The following TENM1 variants were observed in gnomAD, a reference collection of about 807,000 sequenced individuals.
TENM1 encodes teneurin-1.
TENM1 carries 35 observed loss-of-function variants against 174.8 expected under a neutral mutation model. The observed-to-expected ratio is 0.20, with a 90% CI of 0.15 to 0.27. The LOEUF (loss-of-function observed/expected upper bound fraction) is 0.27, where lower values mean the gene tolerates loss of function less well. Ranked by LOEUF, TENM1 falls within the 10% of genes least tolerant of loss-of-function variation. TENM1 has a pLI of 1.00. For missense variants in TENM1, 1,633 were observed against 2,130.1 expected, an observed-to-expected ratio of 0.77 and a Z score of 4.59; for synonymous variants, 781 against 798.7, an observed-to-expected ratio of 0.98 and a Z score of 0.37.
At chrX:124,630,161 C>T (rs934722609) in intron 11 of TENM1, among the ~76,000 whole-genome samples, 1 of 112,305 alleles carries the variant, frequency 8.9e-6, no homozygotes, top group African/African-American at 3.2e-5. Context: ...ATTTAGAGTG[C>T]CTTAACTTTC....
exon 30 of TENM1, chrX:124,384,735 G>T: frequency 8.3e-7 from 1 of 1,211,380 alleles, no homozygotes; most frequent in Non-Finnish European, 1.1e-6. Context: ...ATAGGCAAAG[G>T]GGTTTCATTG....
At chrX:124,625,932 G>A (rs1413083796) in intron 11 of TENM1, among the ~76,000 whole-genome samples, 1 of 111,062 alleles carries the variant, frequency 9.0e-6, no homozygotes, top group Non-Finnish European at 1.9e-5. Context: ...ATATCAGTGA[G>A]GGAATACCTA....
At chrX:124,875,940 T>G (rs2057191340) in intron 3 of TENM1, among the ~76,000 whole-genome samples, 1 of 108,235 alleles carries the variant, frequency 9.2e-6, no homozygotes, top group South Asian at 3.9e-4. Flanking sequence ...TTTTGTGATT[T>G]TACATGATCT....
chrX:125,020,242 T>C, the TENM1 span, among the ~76,000 whole-genome samples: 1 of 111,484 alleles, frequency 9.0e-6, no homozygotes, highest in Admixed American at 9.6e-5. Context: ...TCCACAAGAA[T>C]GTGAGCTCCA....
chrX:124,578,860 A>G (rs1395007988), intron 11 of TENM1, among the ~76,000 whole-genome samples: 1 of 111,998 alleles, frequency 8.9e-6, no homozygotes, highest in Non-Finnish European at 1.9e-5. Context: ...TATTTTCCCA[A>G]AAGTTCAGCT....
intron 3 of TENM1, among the ~76,000 whole-genome samples, chrX:124,744,433 C>A (rs759988811): frequency 1.8e-5 from 2 of 111,518 alleles, no homozygotes; most frequent in African/African-American, 3.3e-5. Flanking sequence ...CGTTAGTATA[C>A]GGTATTAGTT....
At chrX:125,148,856 G>C in the TENM1 span, among the ~76,000 whole-genome samples, 3 of 111,293 alleles carry the variant, frequency 2.7e-5, no homozygotes, top group African/African-American at 9.8e-5. Context: ...TCCTAATCCA[G>C]GCACTCATTG....
chrX:125,136,144 T>G, the TENM1 span, among the ~76,000 whole-genome samples: 1 of 111,516 alleles, frequency 9.0e-6, no homozygotes, highest in African/African-American at 3.3e-5. Flanking sequence ...TGCTAAAAAT[T>G]GAAGTATGAG....
At chrX:125,052,013 C>A in the TENM1 span, among the ~76,000 whole-genome samples, 1 of 111,167 alleles carries the variant, frequency 9.0e-6, no homozygotes, top group Non-Finnish European at 1.9e-5. Context: ...AAACAAACAA[C>A]CCCATCAAAA....
At chrX:125,064,431 GT>G in the TENM1 span, among the ~76,000 whole-genome samples, 3,196 of 111,736 alleles carry the variant, frequency 0.029, 41 homozygotes, top group Non-Finnish European at 0.044. Flanking sequence ...CAAAGTTTGT[GT>G]AGAAGAATAG....
exon 32 of TENM1, chrX:124,378,179 C>T (rs190107318): frequency 1.8e-5 from 2 of 112,010 alleles, no homozygotes; most frequent in African/African-American, 6.5e-5. Context: ...ATGCACAGTT[C>T]AAGGTAATCA....
intron 20 of TENM1, among the ~76,000 whole-genome samples, chrX:124,491,551 G>A (rs2147962360): frequency 9.0e-6 from 1 of 111,640 alleles, no homozygotes; most frequent in South Asian, 3.8e-4. Context: ...CCACTGGAAG[G>A]AAGCTTTAAG....
At chrX:124,690,835 C>G (rs984728171) in intron 5 of TENM1, among the ~76,000 whole-genome samples, 2 of 110,299 alleles carry the variant, frequency 1.8e-5, no homozygotes, top group African/African-American at 3.3e-5. Context: ...CTTTGAGGCC[C>G]TCACCGGATG....
At chrX:124,586,486 A>C (rs895235430) in intron 11 of TENM1, among the ~76,000 whole-genome samples, 1 of 111,338 alleles carries the variant, frequency 9.0e-6, no homozygotes, top group Non-Finnish European at 1.9e-5. Flanking sequence ...AAAATTCAAC[A>C]ACGCTTCATG....
At chrX:124,392,517 C>T (rs1323194906) in intron 27 of TENM1, among the ~76,000 whole-genome samples, 169 bp from the exon 31 acceptor site, 1 of 111,877 alleles carries the variant, frequency 8.9e-6, no homozygotes, top group African/African-American at 3.3e-5. Flanking sequence ...TCCTCTACCA[C>T]ATTGTACACT....
At chrX:124,554,026 T>C (rs1454625193) in intron 14 of TENM1, among the ~76,000 whole-genome samples, 2 of 111,199 alleles carry the variant, frequency 1.8e-5, no homozygotes, top group East Asian at 5.6e-4. Context: ...GGAGAATAGC[T>C]TGAAACCAGG....
intron 5 of TENM1, among the ~76,000 whole-genome samples, chrX:124,689,689 C>T (rs989556036): frequency 4.5e-5 from 5 of 110,841 alleles, no homozygotes; most frequent in Non-Finnish European, 7.6e-5. Context: ...ATACAATAAG[C>T]CCTCCTTATC....
At chrX:124,663,333 A>G (rs2051660065) in intron 6 of TENM1, among the ~76,000 whole-genome samples, 1 of 112,204 alleles carries the variant, frequency 8.9e-6, no homozygotes, top group South Asian at 3.7e-4. Context: ...CTAGGAGATT[A>G]CAAAAGTTAC....
intron 1 of TENM1, among the ~76,000 whole-genome samples, chrX:124,917,131 G>A (rs1194624107): frequency 9.0e-6 from 1 of 111,288 alleles, no homozygotes; most frequent in Non-Finnish European, 1.9e-5. Context: ...AGTTAGCTAG[G>A]CTGTAAGGTT....
Sources: gnomAD v4.1 joint callset for allele counts (sites outside exome capture counted in the v4.1 genomes callset) on GRCh38, gnomAD v4.1.1 for gene constraint, MANE v1.5 for transcripts, NCBI Gene and HGNC (gene_info 2026-07-23, HGNC 2026-07-21) for gene names.